GRIN2A: variants seen among roughly 807,000 people sequenced by gnomAD.
GRIN2A encodes glutamate receptor ionotropic, NMDA 2A.
GRIN2A carries 22 observed loss-of-function variants against 113.4 expected under a neutral mutation model. The ratio of observed to expected loss-of-function variants is 0.19; its 90% confidence interval spans 0.14 to 0.28. GRIN2A has a LOEUF of 0.28. GRIN2A is among the 10% of genes least tolerant of loss of function. The pLI, the probability that GRIN2A is intolerant of heterozygous loss-of-function variation, is 1.00. For synonymous variants in GRIN2A, 827 were observed against 738.4 expected (o/e 1.12, Z -1.94); for missense variants, 1,502 against 1,887.0 (o/e 0.80, Z 3.78).
chr16:9,848,791 TA>T (rs2042826841), intron 5 of GRIN2A, among the ~76,000 whole-genome samples: 1 of 105,774 alleles, frequency 9.5e-6, no homozygotes, highest in Non-Finnish European at 1.7e-5. Context: ...TTTAAATATA[TA>T]AAATACACTG....
At chr16:10,007,802 T>C (rs1186815074) in intron 2 of GRIN2A, among the ~76,000 whole-genome samples, 1 of 152,000 alleles carries the variant, frequency 6.6e-6, no homozygotes, top group Non-Finnish European at 1.5e-5. Flanking sequence ...TGGAGACAGA[T>C]TTGAAAGGAA....
At chr16:10,047,074 A>C (rs1247527914) in intron 2 of GRIN2A, among the ~76,000 whole-genome samples, 1 of 152,224 alleles carries the variant, frequency 6.6e-6, no homozygotes, top group Non-Finnish European at 1.5e-5. Flanking sequence ...CTGTCTCCAC[A>C]CATTGCCAAA....
At chr16:9,977,278 C>T (rs1216190305) in intron 2 of GRIN2A, among the ~76,000 whole-genome samples, 13 of 130,028 alleles carry the variant, frequency 1.0e-4, no homozygotes, top group Non-Finnish European at 1.5e-5. Flanking sequence ...GGCAACAGAG[C>T]AATACTCTTG....
chr16:10,151,850 G>T (rs546623168), intron 2 of GRIN2A, among the ~76,000 whole-genome samples: 24 of 152,266 alleles, frequency 1.6e-4, no homozygotes, highest in Admixed American at 7.2e-4. Context: ...CACCAAAACA[G>T]CCCAGCCTCT....
intron 2 of GRIN2A, among the ~76,000 whole-genome samples, chr16:10,007,152 A>G (rs942729048): frequency 3.3e-5 from 5 of 152,240 alleles, no homozygotes; most frequent in Non-Finnish European, 7.3e-5. Flanking sequence ...TATAGTTGAC[A>G]GCGGAATTGC....
At chr16:9,821,120 T>G (rs2042276012) in intron 10 of GRIN2A, among the ~76,000 whole-genome samples, 1 of 151,992 alleles carries the variant, frequency 6.6e-6, no homozygotes, top group South Asian at 2.1e-4. Context: ...ACAATGGGCT[T>G]GCCGAACAGC....
chr16:10,034,938 A>T (rs189276038), intron 2 of GRIN2A, among the ~76,000 whole-genome samples: 105 of 152,370 alleles, frequency 6.9e-4, no homozygotes, highest in African/African-American at 2.4e-3. Context: ...AATCTTTCTA[A>T]AACTCTTCAG....
chr16:9,963,822 G>C (rs1310366789), intron 2 of GRIN2A, among the ~76,000 whole-genome samples: 1 of 152,168 alleles, frequency 6.6e-6, no homozygotes, highest in African/African-American at 2.4e-5. Context: ...TCTAGGCACT[G>C]GAGTATAGCA....
intron 7 of GRIN2A, 67 bp from the exon 8 acceptor site, chr16:9,834,297 C>T (rs1445259317): frequency 6.7e-7 from 1 of 1,501,812 alleles, no homozygotes; most frequent in African/African-American, 1.4e-5. Flanking sequence ...CAGCAGGAAG[C>T]CCAGACATCC....
chr16:10,087,657 C>G (rs1449388472), intron 2 of GRIN2A, among the ~76,000 whole-genome samples: 1 of 152,166 alleles, frequency 6.6e-6, no homozygotes, highest in African/African-American at 2.4e-5. Flanking sequence ...ATATAAGAGA[C>G]TTAATGCATA....
At chr16:9,977,738 C>G (rs2045804692) in intron 2 of GRIN2A, among the ~76,000 whole-genome samples, 2 of 152,164 alleles carry the variant, frequency 1.3e-5, no homozygotes, top group African/African-American at 4.8e-5. Flanking sequence ...TGCATGTACT[C>G]ACATGTGCAC....
Position 9,758,853 on chromosome 16 carries a change from A to C in GRIN2A, c.*4296T>G. On this transcript the variant is annotated 3_prime_UTR_variant, in exon 13 of 13. Coordinates refer to ENST00000330684, the MANE Select transcript of GRIN2A (RefSeq NM_001134407.3). ...CCAAAAAGAGATGGGGTATCTGGAA[A>C]GGTCTAATTTTGTCTCCAGTGAAAA... is the stretch of plus-strand genomic sequence containing the variant. 1 of 217,290 alleles carries C rather than the reference A, an allele frequency of 4.6e-6. No individual in the cohort carries two copies. The highest frequency in any genetic ancestry group is 9.3e-6 in the Non-Finnish European group (1 of 107,940). The allele number at this position is 217,290 out of a possible 1,614,324, so 13.5% of individuals were successfully genotyped here. A position where few individuals can be genotyped will look rare whatever the true frequency, so the allele number is the denominator to read the frequency against.
chr16:10,141,513 AAC>A (rs930176175), intron 2 of GRIN2A, among the ~76,000 whole-genome samples: 10 of 152,262 alleles, frequency 6.6e-5, no homozygotes, highest in African/African-American at 1.4e-4. Context: ...ATAAAATAAA[AAC>A]ACAATGAATA....
At chr16:9,792,917 T>A (rs1303588420) in intron 11 of GRIN2A, among the ~76,000 whole-genome samples, 1 of 152,240 alleles carries the variant, frequency 6.6e-6, no homozygotes, top group East Asian at 1.9e-4. Context: ...AATTGTTACC[T>A]CTATAAAAGT....
intron 2 of GRIN2A, among the ~76,000 whole-genome samples, chr16:10,067,548 A>G (rs946539268): frequency 1.1e-4 from 16 of 152,218 alleles, no homozygotes; most frequent in African/African-American, 3.6e-4. Context: ...CACTCGGAAC[A>G]TTGCCATCTG....
At chr16:10,029,724 A>G (rs918827804) in intron 2 of GRIN2A, among the ~76,000 whole-genome samples, 2 of 152,112 alleles carry the variant, frequency 1.3e-5, no homozygotes, top group Admixed American at 6.5e-5. Flanking sequence ...GACCTGGCAC[A>G]ATGCTCACGC....
In GRIN2A at chr16:10,125,777, C is replaced by T. The variant is rs577264379; in HGVS notation, c.414+54221G>A. Among the ~76,000 whole-genome samples the T allele has an allele frequency of 2.0e-5, 3 of 152,154 alleles. No homozygotes were observed. The South Asian group carries it at 6.2e-4, about 32-fold the overall frequency. ...GGATGGAGGGTAGCTTCTTCCTCTG[C>T]CAAGAAAATCAGGCGTCCTACAGGG... On this transcript the variant is annotated intron_variant, in intron 2 of 12. Coordinates refer to ENST00000330684, the MANE Select transcript of GRIN2A (RefSeq NM_001134407.3).
intron 2 of GRIN2A, among the ~76,000 whole-genome samples, chr16:10,122,397 G>T (rs1290336634): frequency 6.6e-6 from 1 of 152,086 alleles, no homozygotes; most frequent in Admixed American, 6.5e-5. Context: ...GGGGAGGTAG[G>T]GGCACGGCTG....
chr16:9,949,397 G>T (rs533683647), intron 2 of GRIN2A, among the ~76,000 whole-genome samples: 1 of 152,132 alleles, frequency 6.6e-6, no homozygotes, highest in East Asian at 1.9e-4. Flanking sequence ...TGGATGGATG[G>T]TCAAATAGGA....
Sources: gnomAD v4.1 joint callset for allele counts (sites outside exome capture counted in the v4.1 genomes callset) on GRCh38, gnomAD v4.1.1 for gene constraint, MANE v1.5 for transcripts, NCBI Gene and HGNC (gene_info 2026-07-23, HGNC 2026-07-21) for gene names.